The following SKI variants were observed in gnomAD, a reference collection of about 807,000 sequenced individuals.
The protein encoded by SKI is ski oncogene.
Under a neutral mutation model 59.3 loss-of-function variants are expected in SKI, and 23 were observed. The ratio of observed to expected loss-of-function variants is 0.39; its 90% CI spans 0.28 to 0.55. The LOEUF is 0.55. Among genes scored for constraint, SKI ranks in the 20% least tolerant of loss-of-function variants. The pLI, the probability that SKI is intolerant of heterozygous loss-of-function variation, is 0.67. For synonymous variants in SKI, 673 were observed against 488.6 expected, an observed-to-expected ratio of 1.38 and a Z score of -4.98; for missense variants, 1,017 against 1,038.9, an observed-to-expected ratio of 0.98 and a Z score of 0.29.
rs373233256 is a variant in SKI at position 2,265,279 on chromosome 1, T to C, written c.969+35544T>C. 5.3e-5 allele frequency among the ~76,000 whole-genome samples: 8 copies of C among 152,342 alleles called. No individual in the cohort carries two copies. In the South Asian group the frequency reaches 8.3e-4, roughly 16 times the overall value. On this transcript the variant is annotated intron_variant, in intron 1 of 6. Transcript: ENST00000378536. The stretch of plus-strand genomic sequence containing the variant: ...CACTTGGTGGCCCGTGTGTCAGTCA[T>C]GTGAATGTTGTCAGCTCAGGGTGCT...
At chr1:2,274,509 G>A (rs115979515) in intron 1 of SKI, among the ~76,000 whole-genome samples, 137 of 152,334 alleles carry the variant, frequency 9.0e-4, no homozygotes, top group African/African-American at 3.2e-3. Context: ...GTGGCCGCGT[G>A]TGCTCTGCTG....
At chr1:2,290,252 C>T (rs1257427984) in intron 1 of SKI, among the ~76,000 whole-genome samples, 1 of 152,148 alleles carries the variant, frequency 6.6e-6, no homozygotes, top group Non-Finnish European at 1.5e-5. Flanking sequence ...ACTTCTCAGC[C>T]TCTTGAGAGG....
chr1:2,233,692 G>C (rs1638693053), intron 1 of SKI, among the ~76,000 whole-genome samples: 1 of 152,144 alleles, frequency 6.6e-6, no homozygotes, highest in African/African-American at 2.4e-5. Flanking sequence ...CAGGTGGTCG[G>C]GCTTGAGACC....
At chr1:2,286,032 C>T (rs1303286915) in intron 1 of SKI, among the ~76,000 whole-genome samples, 1 of 152,052 alleles carries the variant, frequency 6.6e-6, no homozygotes, top group Non-Finnish European at 1.5e-5. Flanking sequence ...CACTGCCACA[C>T]CCGGCTAATT....
intron 1 of SKI, among the ~76,000 whole-genome samples, chr1:2,275,100 AC>A (rs1456623654): frequency 6.6e-6 from 1 of 152,060 alleles, no homozygotes; most frequent in Admixed American, 6.5e-5. Context: ...TCGCCCTGGA[AC>A]CCCCACCCTG....
At chr1:2,283,835 A>T (rs1023809654) in intron 1 of SKI, among the ~76,000 whole-genome samples, 1 of 152,166 alleles carries the variant, frequency 6.6e-6, no homozygotes, top group African/African-American at 2.4e-5. Context: ...TCATGGCGAG[A>T]AAACATCGTG....
intron 1 of SKI, among the ~76,000 whole-genome samples, chr1:2,245,773 GC>G (rs1218887523): frequency 1.4e-5 from 2 of 138,096 alleles, no homozygotes; most frequent in African/African-American, 5.4e-5. Context: ...ACTGCACCTG[GC>G]CCTATTTTTC....
Position 2,229,453 on chromosome 1 carries a change from G to C in SKI, c.687G>C (p.Lys229Asn), listed in dbSNP as rs750391739. 6.8e-6 allele frequency: 11 copies of C among 1,612,156 alleles called. No homozygotes were observed. The highest frequency in any genetic ancestry group is 9.3e-6 in the Non-Finnish European group (11 of 1,179,824). The change falls in exon 1 of 7, where the codon AAG becomes AAC. Residue 229 changes from lysine (K) to asparagine (N), a missense_variant. Physicochemically the swap from Lys to Asn is moderately conservative, Grantham distance 94 (BLOSUM62 0). Coordinates refer to ENST00000378536, the MANE Select transcript of SKI (RefSeq NM_003036.4). This position sits in a 1 kb window ranked among gnomAD's most constrained non-coding sequence, Gnocchi z 6.3. ...RVYHECFGKC[K>N]GLLVPELYSS... is the part of the protein sequence containing the mutation. ...ACCACGAGTGCTTCGGCAAGTGTAA[G>C]GGGCTGCTGGTGCCCGAGCTCTACA... is the stretch of plus-strand genomic sequence containing the variant.
At chr1:2,265,529 TG>T (rs1339694338) in intron 1 of SKI, among the ~76,000 whole-genome samples, 1 of 152,224 alleles carries the variant, frequency 6.6e-6, no homozygotes, top group African/African-American at 2.4e-5. Flanking sequence ...ACAGTTCCAG[TG>T]TTCTCTGTGA....
intron 1 of SKI, among the ~76,000 whole-genome samples, chr1:2,247,023 C>A (rs542523935): frequency 1.3e-5 from 2 of 152,194 alleles, no homozygotes; most frequent in African/African-American, 4.8e-5. Flanking sequence ...GAGTTCAAGA[C>A]CAGCCTGGCC....
At chr1:2,301,485 C>T (rs1640425083) in intron 1 of SKI, among the ~76,000 whole-genome samples, 1 of 152,092 alleles carries the variant, frequency 6.6e-6, no homozygotes, top group South Asian at 2.1e-4. Context: ...TGGCCCCACC[C>T]TGCTTGTTCC....
At position 2,306,257 on chromosome 1, in the gene SKI, G is replaced by A; in HGVS notation, c.1998+7G>A. ...CGCCAAGTACTCGGCCCAGGTATGC[G>A]GGTGGGGAGACTGAGGCACGCAGCA... On this transcript the variant is annotated splice_region_variant and intron_variant, in intron 6 of 6. Coordinates refer to ENST00000378536, the MANE Select transcript of SKI (RefSeq NM_003036.4). 1 of 1,546,192 alleles carries A rather than the reference G, an allele frequency of 6.5e-7. No individual in the cohort carries two copies. The highest frequency in any genetic ancestry group is 8.7e-7 in the Non-Finnish European group (1 of 1,145,024).
Position 2,308,466 on chromosome 1 carries a change from C to A in SKI, c.*1701C>A, listed in dbSNP as rs1033494456. Reference sequence around the variant, plus strand: ...ATTTTCTTTGCTTTTGTTTTCTTTGCGGTTGTTCTGTGTGCATGGATTCCA... The same window carrying A: ...ATTTTCTTTGCTTTTGTTTTCTTTGAGGTTGTTCTGTGTGCATGGATTCCA... On this transcript the variant is annotated 3_prime_UTR_variant, in exon 7 of 7. Coordinates refer to ENST00000378536, the MANE Select transcript of SKI (RefSeq NM_003036.4). 6.6e-6 allele frequency: 1 copy of A among 152,206 alleles called. No individual in the cohort carries two copies. Among genetic ancestry groups the A allele is most frequent in the Non-Finnish European group, 1.5e-5 (1 of 68,056 alleles). The allele number at this position is 152,206 out of a possible 1,614,324, so 9.4% of individuals were successfully genotyped here. A position where few individuals can be genotyped will look rare whatever the true frequency, so the allele number is the denominator to read the frequency against.
chr1:2,264,232 G>A (rs189107232), intron 1 of SKI, among the ~76,000 whole-genome samples: 8 of 152,264 alleles, frequency 5.3e-5, no homozygotes, highest in African/African-American at 1.4e-4. Flanking sequence ...ATTATAGGTT[G>A]ACTTCAAAAA....
intron 4 of SKI, 26 bp downstream of exon 4, chr1:2,304,128 T>G (rs777982578): frequency 7.2e-5 from 116 of 1,610,164 alleles, no homozygotes; most frequent in Middle Eastern, 3.5e-4. Flanking sequence ...TTTCTGTGCC[T>G]CCTCCCTGTG....
At chr1:2,298,121 A>G (rs1226894742) in intron 1 of SKI, among the ~76,000 whole-genome samples, 1 of 152,146 alleles carries the variant, frequency 6.6e-6, no homozygotes, top group African/African-American at 2.4e-5. Flanking sequence ...GGGCTGCTCA[A>G]CCGCTCTGCC....
chr1:2,254,333 C>A (rs193244567), intron 1 of SKI, among the ~76,000 whole-genome samples: 3 of 152,132 alleles, frequency 2.0e-5, no homozygotes, highest in African/African-American at 7.2e-5. Flanking sequence ...GCTCTCCCCC[C>A]GTGGGTCTTC....
At chr1:2,299,787 C>G (rs180805322) in intron 1 of SKI, among the ~76,000 whole-genome samples, 2 of 152,322 alleles carry the variant, frequency 1.3e-5, no homozygotes, top group Admixed American at 1.3e-4. Flanking sequence ...TCCCCAAGGC[C>G]TTCTCAATGG....
chr1:2,306,226 C>G lies in SKI; in HGVS notation c.1974C>G (p.Arg658=). ...GCGACAAGGGCTGCGAGGCGGGCCG[C>G]CTGCGCGCCAAGTACTCGGCCCAGG... The part of the protein sequence containing the change: ...RVCDKGCEAG[R]LRAKYSAQIE... Residue 658 remains arginine (R), a synonymous_variant, in exon 6 of 7, where the codon CGC becomes CGG. Transcript: ENST00000378536. 1 of 1,560,510 alleles carries G rather than the reference C, an allele frequency of 6.4e-7. No homozygotes were observed. The highest frequency in any genetic ancestry group is 1.2e-5 in the South Asian group (1 of 84,982).
Sources: allele counts gnomAD v4.1 joint callset (sites outside exome capture counted in the v4.1 genomes callset), GRCh38; gene constraint gnomAD v4.1.1; non-coding constraint Gnocchi (gnomAD v3.1); transcripts MANE v1.5; gene names NCBI Gene and HGNC (gene_info 2026-07-23, HGNC 2026-07-21).